The following SLA variants were observed in gnomAD, a reference collection of about 807,000 sequenced individuals.
SLA encodes src-like-adapter.
A neutral mutation model predicts 30.3 loss-of-function variants in SLA; 16 were observed. The observed-to-expected ratio is 0.53, with a 90% CI of 0.36 to 0.80. The LOEUF (loss-of-function observed/expected upper bound fraction) is 0.80. Among genes scored for constraint, SLA ranks in the 30% least tolerant of loss-of-function variants. SLA has a pLI of 0.01. For missense variants in SLA, 310 were observed against 345.2 expected, an observed-to-expected ratio of 0.90 and a Z score of 0.81; for synonymous variants, 143 against 137.8, an observed-to-expected ratio of 1.04 and a Z score of -0.26.
intron 1 of SLA, among the ~76,000 whole-genome samples, chr8:133,078,522 G>A (rs1057265272): frequency 2.6e-5 from 4 of 152,070 alleles, no homozygotes; most frequent in African/African-American, 7.2e-5. Flanking sequence ...AAGAAGTCTC[G>A]AGTCCAAGAA....
At chr8:133,039,301 A>T (rs1339968426) in intron 8 of SLA, among the ~76,000 whole-genome samples, 1 of 152,208 alleles carries the variant, frequency 6.6e-6, no homozygotes, top group African/African-American at 2.4e-5. Flanking sequence ...TGGACAAATC[A>T]CTTAACCCGT....
chr8:133,095,790 A>T (rs1459527040), intron 1 of SLA, among the ~76,000 whole-genome samples: 1 of 152,146 alleles, frequency 6.6e-6, no homozygotes, highest in Non-Finnish European at 1.5e-5. Flanking sequence ...ATGAGTCTGG[A>T]CTCACAGAAT....
At chr8:133,095,196 T>A (rs1403853921) in intron 1 of SLA, 3 of 1,614,104 alleles carry the variant, frequency 1.9e-6, no homozygotes, top group Non-Finnish European at 2.5e-6. Flanking sequence ...TCCTCAATGA[T>A]GCCCAGACCA....
intron 1 of SLA, chr8:133,102,288 G>A (rs1044233983): frequency 2.9e-5 from 12 of 413,212 alleles, no homozygotes; most frequent in African/African-American, 2.4e-4. Context: ...CGCTGCATAA[G>A]TATCAGCTGG....
At chr8:133,082,013 G>C (rs7825913) in intron 1 of SLA, among the ~76,000 whole-genome samples, 39,014 of 152,118 alleles carry the variant, frequency 0.26, 5,319 homozygotes, top group African/African-American at 0.31. Flanking sequence ...ATCTTCCCTT[G>C]GTGCCAATTT....
chr8:133,046,393 C>G (rs75793403), intron 6 of SLA: 6,167 of 152,380 alleles, frequency 0.04, 171 homozygotes, highest in Middle Eastern at 0.088. Context: ...AAATGCCACC[C>G]TGGGGTGTGA....
Position 133,050,881 on chromosome 8 carries a change from G to A in SLA, c.96C>T (p.Asp32=). 1 of 1,613,850 alleles carries A rather than the reference G, an allele frequency of 6.2e-7. No individual in the cohort carries two copies. The highest frequency in any genetic ancestry group is 8.5e-7 in the Non-Finnish European group (1 of 1,179,718). The change falls in exon 4 of 9, where the codon GAC becomes GAT. Residue 32 remains aspartate, a synonymous_variant. Transcript: ENST00000338087. ...LDSDFLAVLS[D]YPSPDISPPI... is the part of the protein sequence containing the mutation. ...GGGGGCTGATGTCAGGAGACGGGTA[G>A]TCACTTAGCACGGCAAGGAAGTCGC...
Position 133,040,165 on chromosome 8 carries a change from T to C in SLA, c.485-35A>G, listed in dbSNP as rs1564103354. ...GAAGCAGACAGCCGGTCAGGGACCC[T>C]GGGGACGCCTCAGCCAGTGTGGGGT... is the stretch of plus-strand genomic sequence containing the variant. On this transcript the variant is annotated intron_variant, in intron 7 of 8. Coordinates refer to ENST00000338087, the MANE Select transcript of SLA (RefSeq NM_001045556.3). 9 of 1,564,550 alleles carry C rather than the reference T, an allele frequency of 5.8e-6. No homozygotes were observed. The South Asian group carries it at 8.2e-5, about 14-fold the overall frequency.
At chr8:133,078,180 C>T (rs1845190965) in intron 1 of SLA, among the ~76,000 whole-genome samples, 1 of 152,170 alleles carries the variant, frequency 6.6e-6, no homozygotes, top group Non-Finnish European at 1.5e-5. Context: ...TACACGTGAC[C>T]CAAGAAGAGG....
chr8:133,070,309 CTCTT>C (rs1353612308), intron 2 of SLA, among the ~76,000 whole-genome samples: 5 of 152,144 alleles, frequency 3.3e-5, no homozygotes, highest in Admixed American at 2.0e-4. Context: ...AGCGAACCGA[CTCTT>C]TATGAAATCT....
intron 2 of SLA, among the ~76,000 whole-genome samples, chr8:133,062,667 G>T (rs1192632540): frequency 6.6e-6 from 1 of 152,144 alleles, no homozygotes; most frequent in African/African-American, 2.4e-5. Flanking sequence ...TGCAGAGGCC[G>T]CTCTGCACAG....
chr8:133,094,700 C>T (rs1848145906), intron 1 of SLA: 1 of 384,056 alleles, frequency 2.6e-6, no homozygotes, highest in Non-Finnish European at 5.0e-6. Context: ...GTTCTCTTCC[C>T]AGAGGACTTT....
chr8:133,053,129 G>A (rs150079444), intron 3 of SLA, among the ~76,000 whole-genome samples: 24 of 152,206 alleles, frequency 1.6e-4, no homozygotes, highest in East Asian at 7.7e-4. Flanking sequence ...CTCCTTCACC[G>A]TTCCCACCTT....
At chr8:133,075,947 A>G (rs1673876630) in intron 1 of SLA, 1 of 152,216 alleles carries the variant, frequency 6.6e-6, no homozygotes, top group Admixed American at 6.5e-5. Context: ...TATATATTAT[A>G]AAATGTATGT....
At chr8:133,098,119 A>C (rs1264166418) in intron 1 of SLA, among the ~76,000 whole-genome samples, 1 of 152,130 alleles carries the variant, frequency 6.6e-6, no homozygotes, top group East Asian at 1.9e-4. Flanking sequence ...AGGGGCTGAG[A>C]TTTTATTATT....
intron 5 of SLA, chr8:133,049,001 T>C: frequency 2.9e-6 from 1 of 346,616 alleles, no homozygotes; most frequent in South Asian, 2.2e-5. Context: ...CCATTTCCAA[T>C]GTGCTTTGCA....
chr8:133,073,966 CG>C (rs1564155047), intron 2 of SLA, among the ~76,000 whole-genome samples: 1 of 152,146 alleles, frequency 6.6e-6, no homozygotes, highest in African/African-American at 2.4e-5. Context: ...CCCAGCCACT[CG>C]GGATGGTGGA....
intron 2 of SLA, among the ~76,000 whole-genome samples, chr8:133,067,778 GAAAGAAAGAAAGAA>G (rs778731065): frequency 6.8e-6 from 1 of 146,616 alleles, no homozygotes; most frequent in Non-Finnish European, 1.5e-5. Context: ...ACTCCATCTA[GAAAGAAAGAAAGAA>G]AAAGAAAGAA....
chr8:133,050,151 C>T, intron 4 of SLA, 163 bp from the exon 5 acceptor site: 1 of 642,560 alleles, frequency 1.6e-6, no homozygotes. Flanking sequence ...TGAAAATTTT[C>T]TTTTTAAAGG....
Sources: allele counts gnomAD v4.1 joint callset (sites outside exome capture counted in the v4.1 genomes callset), GRCh38; gene constraint gnomAD v4.1.1; transcripts MANE v1.5; gene names NCBI Gene and HGNC (gene_info 2026-07-23, HGNC 2026-07-21).